AGMO: variants seen among roughly 807,000 people sequenced by gnomAD.
AGMO encodes alkylglycerol monooxygenase, also known as glyceryl-ether monooxygenase.
In AGMO, 75 loss-of-function variants were observed where a neutral mutation model predicts 60.2. The ratio of observed to expected loss-of-function variants is 1.25; its 90% CI spans 1.03 to 1.51. The LOEUF (loss-of-function observed/expected upper bound fraction) is 1.51. AGMO is among the 40% of genes most tolerant of loss of function. The pLI, the probability that AGMO is intolerant of heterozygous loss-of-function variation, is 0.00. For missense variants in AGMO, 763 were observed against 525.5 expected (o/e 1.45, Z -4.42); for synonymous variants, 261 against 177.1 (o/e 1.47, Z -3.76).
At chr7:15,160,658 T>G in the AGMO span, among the ~76,000 whole-genome samples, 1 of 152,236 alleles carries the variant, frequency 6.6e-6, no homozygotes. Context: ...AATGCAAATC[T>G]ATTTATAATT....
intron 5 of AGMO, among the ~76,000 whole-genome samples, chr7:15,417,952 C>T (rs1019084462): frequency 6.6e-6 from 1 of 152,094 alleles, no homozygotes; most frequent in Non-Finnish European, 1.5e-5. Flanking sequence ...TACAAATATT[C>T]ATAAACCAAT....
At chr7:15,379,024 G>A (rs1457111113) in intron 10 of AGMO, among the ~76,000 whole-genome samples, 1 of 151,920 alleles carries the variant, frequency 6.6e-6, no homozygotes, top group Non-Finnish European at 1.5e-5. Flanking sequence ...GGTAAATGAT[G>A]AAATTAAGGC....
chr7:15,268,008 C>CA (rs1239521989), intron 12 of AGMO, among the ~76,000 whole-genome samples: 2 of 151,826 alleles, frequency 1.3e-5, no homozygotes, highest in Non-Finnish European at 2.9e-5. Flanking sequence ...ATTTAGTGAA[C>CA]AACTATTGTG....
chr7:15,184,337 G>GGAATA, the AGMO span, among the ~76,000 whole-genome samples: 1 of 93,806 alleles, frequency 1.1e-5, no homozygotes, highest in African/African-American at 4.5e-5. Flanking sequence ...GAGGAAGGAA[G>GGAATA]GAAGGAAAGA....
chr7:15,221,370 A>C (rs1271262700), intron 12 of AGMO, among the ~76,000 whole-genome samples: 1 of 152,166 alleles, frequency 6.6e-6, no homozygotes, highest in Non-Finnish European at 1.5e-5. Flanking sequence ...CTTTTGTGAA[A>C]TAACAACTTT....
At chr7:15,117,608 C>T in the AGMO span, among the ~76,000 whole-genome samples, 5 of 151,918 alleles carry the variant, frequency 3.3e-5, no homozygotes, top group African/African-American at 1.2e-4. Flanking sequence ...ACACAAGAAA[C>T]CCAATCCTCA....
chr7:15,347,468 T>C (rs977759876), intron 12 of AGMO, among the ~76,000 whole-genome samples: 2 of 152,070 alleles, frequency 1.3e-5, no homozygotes, highest in African/African-American at 4.8e-5. Context: ...TACCTCTATG[T>C]CTGAAAGCCA....
intron 3 of AGMO, among the ~76,000 whole-genome samples, chr7:15,439,566 T>C (rs1781493681): frequency 6.6e-6 from 1 of 152,180 alleles, no homozygotes. Context: ...ATCTTATCAG[T>C]AGTGGCTGCA....
chr7:15,547,394 C>T (rs979274553), intron 2 of AGMO, among the ~76,000 whole-genome samples: 2 of 152,098 alleles, frequency 1.3e-5, no homozygotes, highest in Non-Finnish European at 2.9e-5. Context: ...TCTGCATTTC[C>T]ATCTGAGGTA....
rs566515497 is a variant in AGMO at position 15,331,381 on chromosome 7, G to A, written c.1263+34133C>T. 1.4e-4 allele frequency among the ~76,000 whole-genome samples: 22 copies of A among 152,228 alleles called. No individual in the cohort carries two copies. The East Asian group carries it at 3.7e-3, about 25-fold the overall frequency. ...TCTGGAACAGGGATAATATATTTGT[G>A]GTTGAAATGTTGTGAGAATAAAATG... On this transcript the variant is annotated intron_variant, in intron 12 of 12. Coordinates refer to ENST00000342526, the MANE Select transcript of AGMO (RefSeq NM_001004320.2).
chr7:15,499,787 T>C (rs1783328304), intron 3 of AGMO, among the ~76,000 whole-genome samples: 1 of 151,544 alleles, frequency 6.6e-6, no homozygotes, highest in African/African-American at 2.4e-5. Context: ...AAATGTGCAA[T>C]GCAACTGTAA....
chr7:15,184,477 A>AGG, the AGMO span, among the ~76,000 whole-genome samples: 1 of 100,246 alleles, frequency 1.0e-5, no homozygotes, highest in African/African-American at 4.0e-5. Context: ...GAAGGAAGGA[A>AGG]AAGGAGGGAG....
intron 12 of AGMO, among the ~76,000 whole-genome samples, chr7:15,226,604 T>C (rs1232372651): frequency 1.3e-5 from 2 of 152,086 alleles, no homozygotes; most frequent in East Asian, 3.9e-4. Context: ...TAGGCAGATA[T>C]GGAGCTTAAA....
chr7:15,251,022 T>C (rs968868298), intron 12 of AGMO, among the ~76,000 whole-genome samples: 3 of 152,104 alleles, frequency 2.0e-5, no homozygotes, highest in Admixed American at 1.3e-4. Flanking sequence ...AGTTTGCTTA[T>C]ACATATACAA....
At chr7:15,265,672 T>C (rs200708855) in intron 12 of AGMO, among the ~76,000 whole-genome samples, 3 of 151,992 alleles carry the variant, frequency 2.0e-5, no homozygotes, top group Non-Finnish European at 4.4e-5. Flanking sequence ...ATATAAAAAA[T>C]TGGAGCCCTG....
At chr7:15,189,170 C>A in the AGMO span, among the ~76,000 whole-genome samples, 1 of 151,828 alleles carries the variant, frequency 6.6e-6, no homozygotes, top group Non-Finnish European at 1.5e-5. Flanking sequence ...GAGAGTGGGC[C>A]ACCATCAAAA....
chr7:15,164,468 G>A, the AGMO span, among the ~76,000 whole-genome samples: 1 of 151,814 alleles, frequency 6.6e-6, no homozygotes, highest in Non-Finnish European at 1.5e-5. Flanking sequence ...CCACAGAATG[G>A]GAGAAAATAT....
chr7:15,385,830 A>G (rs536989044), intron 9 of AGMO, among the ~76,000 whole-genome samples: 1 of 152,328 alleles, frequency 6.6e-6, no homozygotes, highest in African/African-American at 2.4e-5. Flanking sequence ...CATGGGATGT[A>G]TCTTCCCTAT....
At chr7:15,415,314 G>T (rs369717250) in intron 5 of AGMO, among the ~76,000 whole-genome samples, 1 of 151,882 alleles carries the variant, frequency 6.6e-6, no homozygotes, top group Non-Finnish European at 1.5e-5. Context: ...GAAGGCCAAC[G>T]CAGGCAGATC....
Sources: gnomAD v4.1 joint callset for allele counts (sites outside exome capture counted in the v4.1 genomes callset) on GRCh38, gnomAD v4.1.1 for gene constraint, MANE v1.5 for transcripts, NCBI Gene and HGNC (gene_info 2026-07-23, HGNC 2026-07-21) for gene names.